The following STAT1 variants were observed in gnomAD, a reference collection of about 807,000 sequenced individuals.
The protein encoded by STAT1 is signal transducer and activator of transcription 1-alpha/beta.
In STAT1, 24 loss-of-function variants were observed where a neutral mutation model predicts 111.7. The observed-to-expected ratio is 0.21, with a 90% CI of 0.16 to 0.30. The LOEUF is 0.30. STAT1 is among the 10% of genes least tolerant of loss of function. The pLI is 1.00. For synonymous variants in STAT1, 332 were observed against 326.5 expected, an observed-to-expected ratio of 1.02 and a Z score of -0.18; for missense variants, 351 against 911.9, an observed-to-expected ratio of 0.38 and a Z score of 7.92.
Position 190,980,731 on chromosome 2 carries a change from C to T in STAT1, c.1583-62G>A, listed in dbSNP as rs369626255. 3.2e-5 allele frequency: 48 copies of T among 1,516,720 alleles called. No homozygotes were observed. The highest frequency in any genetic ancestry group is 8.2e-5 in the African/African-American group (6 of 72,976). 94.0% of individuals were successfully genotyped at this position (1,516,720 alleles called of 1,614,324 possible). On this transcript the variant is annotated intron_variant, in intron 18 of 24. Coordinates refer to ENST00000361099, the MANE Select transcript of STAT1 (RefSeq NM_007315.4). This position sits in a 1 kb window ranked among gnomAD's most constrained non-coding sequence, Gnocchi z 6.1. Reference sequence around the variant, plus strand: ...AACTGATTCTAAAGCTTTGGTTGGACGGATGGCTCTTGTATTTGCTCTCAA... The same window carrying T: ...AACTGATTCTAAAGCTTTGGTTGGATGGATGGCTCTTGTATTTGCTCTCAA...
At chr2:190,985,801 T>G in intron 14 of STAT1, 141 bp from the exon 15 acceptor site, 2 of 930,542 alleles carry the variant, frequency 2.1e-6, no homozygotes, top group Non-Finnish European at 3.4e-6. Flanking sequence ...TGGGACAAAT[T>G]GGCCCTCGTT....
rs1691839415 is a variant in STAT1 at position 190,975,532 on chromosome 2, C to T, written c.2135+280G>A. 4 of 1,298,794 alleles carry T rather than the reference C, an allele frequency of 3.1e-6. No homozygotes were observed. The highest frequency in any genetic ancestry group is 4.1e-6 in the Non-Finnish European group (4 of 983,060). 80.5% of individuals were successfully genotyped at this position (1,298,794 alleles called of 1,614,324 possible). On this transcript the variant is annotated intron_variant, in intron 23 of 24. Transcript: ENST00000361099. This position sits in a 1 kb window ranked among gnomAD's most constrained non-coding sequence, Gnocchi z 5.9. ...TAGATTGAAAAGAACTACTTTCCCA[C>T]TCTGATCAACTTTTGCTCATTTTAT...
At chr2:190,985,941 C>T (rs1244195961) in intron 14 of STAT1, among the ~76,000 whole-genome samples, 3 of 152,178 alleles carry the variant, frequency 2.0e-5, no homozygotes, top group Non-Finnish European at 2.9e-5. Context: ...TCCCCATGCA[C>T]CTTCGTTAAC....
intron 10 of STAT1, among the ~76,000 whole-genome samples, chr2:190,994,051 T>TG (rs1693612615): frequency 6.6e-6 from 1 of 151,996 alleles, no homozygotes; most frequent in African/African-American, 2.4e-5. Context: ...GGAGATAACA[T>TG]CTGTTTGGGA....
At chr2:191,001,201 T>C (rs1005844522) in intron 5 of STAT1, 38 bp from the exon 6 acceptor site, 7 of 1,538,702 alleles carry the variant, frequency 4.5e-6, no homozygotes. Flanking sequence ...CATCGTTTTC[T>C]TCAGGGTGTG....
At position 190,975,056 on chromosome 2, in the gene STAT1, G is replaced by T; in HGVS notation, c.2136-124C>A. The T allele has an allele frequency of 2.4e-6, 2 of 830,754 alleles. No homozygotes were observed. Among genetic ancestry groups the T allele is most frequent in the Non-Finnish European group, 4.1e-6 (2 of 492,518 alleles). 51.5% of individuals were successfully genotyped at this position (830,754 alleles called of 1,614,324 possible). ...CACGTTATATTTTTATTTTGGGTAA[G>T]TGCATACACTTGTAAAATACATTTG... On this transcript the variant is annotated intron_variant, in intron 23 of 24. Transcript: ENST00000361099. This position sits in a 1 kb window ranked among gnomAD's most constrained non-coding sequence, Gnocchi z 5.9.
intron 5 of STAT1, among the ~76,000 whole-genome samples, chr2:191,002,788 T>C (rs1420291783): frequency 6.6e-6 from 1 of 152,192 alleles, no homozygotes; most frequent in Non-Finnish European, 1.5e-5. Flanking sequence ...GAGATATATA[T>C]ATTTTTTTGT....
chr2:190,996,700 T>C lies in STAT1; in HGVS notation c.785+1156A>G, dbSNP rs1162032724. On this transcript the variant is annotated intron_variant, in intron 9 of 24. Transcript: ENST00000361099. The surrounding 1 kb of genome is among the most constrained non-coding windows in gnomAD (Gnocchi z 4.5). ...AGGCAATTCACAGAACAAAAATAAA[T>C]GGCTGAATATTAATTGTGATTTTTT... Among the ~76,000 whole-genome samples, 5 of 152,092 alleles carry C rather than the reference T, an allele frequency of 3.3e-5. No individual in the cohort carries two copies. Among genetic ancestry groups the C allele is most frequent in the African/African-American group, 7.2e-5 (3 of 41,428 alleles).
rs147367887 is a variant in STAT1 at position 190,999,726 on chromosome 2, T to G, written c.463-22A>C. 5 of 1,560,682 alleles carry G rather than the reference T, an allele frequency of 3.2e-6. No homozygotes were observed. In the East Asian group the frequency reaches 1.1e-4, roughly 35 times the overall value. On this transcript the variant is annotated intron_variant, in intron 6 of 24. Coordinates refer to ENST00000361099, the MANE Select transcript of STAT1 (RefSeq NM_007315.4). This position sits in a 1 kb window ranked among gnomAD's most constrained non-coding sequence, Gnocchi z 4.1. ...TACACTACAAACAAAGATGTAAACA[T>G]GTTTTCTACTGATCAGCAACTTCCA...
In STAT1 at chr2:191,004,197, C is replaced by G. The variant is rs374468054; in HGVS notation, c.373-3034G>C. Reference sequence around the variant, plus strand: ...GCAGATGCTTGGCTGCTCCTGTACACTTTAGTACTGATACCACTTTCACAG... The same window carrying G: ...GCAGATGCTTGGCTGCTCCTGTACAGTTTAGTACTGATACCACTTTCACAG... On this transcript the variant is annotated intron_variant, in intron 5 of 24. Coordinates refer to ENST00000361099, the MANE Select transcript of STAT1 (RefSeq NM_007315.4). This position sits in a 1 kb window ranked among gnomAD's most constrained non-coding sequence, Gnocchi z 5.0. Among the ~76,000 whole-genome samples, 4 of 152,336 alleles carry G rather than the reference C, an allele frequency of 2.6e-5. No homozygotes were observed. The East Asian group carries it at 7.7e-4, about 29-fold the overall frequency.
At chr2:191,008,529 A>G (rs1030976705) in intron 4 of STAT1, among the ~76,000 whole-genome samples, 8 of 152,238 alleles carry the variant, frequency 5.3e-5, no homozygotes, top group African/African-American at 1.7e-4. Context: ...TGACTTCCTT[A>G]GGTGAAAGTC....
chr2:191,005,956 T>C (rs945239848), intron 5 of STAT1, among the ~76,000 whole-genome samples: 1 of 152,110 alleles, frequency 6.6e-6, no homozygotes, highest in African/African-American at 2.4e-5. Flanking sequence ...ACATTTTTAA[T>C]GGGGAGGGAG....
chr2:191,009,419 T>C (rs1173772894), intron 3 of STAT1, among the ~76,000 whole-genome samples: 1 of 124,192 alleles, frequency 8.1e-6, no homozygotes, highest in Non-Finnish European at 2.0e-5. Flanking sequence ...CAGGACGTTT[T>C]TAAATTAGCA....
chr2:191,001,053 A>G (rs2125079318), intron 6 of STAT1, 21 bp downstream of exon 6: 1 of 1,572,308 alleles, frequency 6.4e-7, no homozygotes, highest in Non-Finnish European at 8.8e-7. Context: ...GAATAAATGC[A>G]TGTGTTTACT....
rs749221997 is a variant in STAT1, at chr2:190,986,985, A to G, written c.1128-38T>C. ...GGAAAGAAATGCTGAAAAGTCTTCCAACTATTAAATAAATAAAAATATAGC... is the reference window on the plus strand; with the variant it reads ...GGAAAGAAATGCTGAAAAGTCTTCCGACTATTAAATAAATAAAAATATAGC... On this transcript the variant is annotated intron_variant, in intron 13 of 24. Coordinates refer to ENST00000361099, the MANE Select transcript of STAT1 (RefSeq NM_007315.4). The surrounding 1 kb of genome is among the most constrained non-coding windows in gnomAD (Gnocchi z 5.0). 5 of 1,611,622 alleles carry G rather than the reference A, an allele frequency of 3.1e-6. No individual in the cohort carries two copies. Among genetic ancestry groups the G allele is most frequent in the Non-Finnish European group, 4.2e-6 (5 of 1,177,692 alleles).
At position 190,989,185 on chromosome 2, in the gene STAT1, C is replaced by A. The variant is rs1364851982; in HGVS notation, c.1097+430G>T. Among the ~76,000 whole-genome samples, 1 of 152,186 alleles carries A rather than the reference C, an allele frequency of 6.6e-6. No homozygotes were observed. The highest frequency in any genetic ancestry group is 1.5e-5 in the Non-Finnish European group (1 of 68,022). ...GTTCAGCCTCGGGTTGGATCAGGGG[C>A]CTCTCCTTTGGGGCTGACCTAGAAG... On this transcript the variant is annotated intron_variant, in intron 12 of 24. Transcript: ENST00000361099. The surrounding 1 kb of genome is among the most constrained non-coding windows in gnomAD (Gnocchi z 5.0).
chr2:191,011,067 T>C (rs1385949458), intron 2 of STAT1, among the ~76,000 whole-genome samples: 1 of 152,214 alleles, frequency 6.6e-6, no homozygotes, highest in African/African-American at 2.4e-5. Flanking sequence ...AGAGTGTGTA[T>C]GCATACTTGT....
Position 190,975,410 on chromosome 2 carries a change from A to G in STAT1, c.2135+402T>C, listed in dbSNP as rs1691830643. The G allele has an allele frequency of 6.7e-6, 4 of 594,854 alleles. No individual in the cohort carries two copies. Among genetic ancestry groups the G allele is most frequent in the Non-Finnish European group, 1.2e-5 (4 of 337,558 alleles). The allele number at this position is 594,854 out of a possible 1,614,324, so 36.8% of individuals were successfully genotyped here. ...AGTGCTGCAGGCCAAATAACTGACA[A>G]TGACATTTCCAAAATTTTTTCTACC... On this transcript the variant is annotated intron_variant, in intron 23 of 24. Transcript: ENST00000361099. The surrounding 1 kb of genome is among the most constrained non-coding windows in gnomAD (Gnocchi z 5.9).
chr2:190,981,400 C>T lies in STAT1; in HGVS notation c.1583-731G>A, dbSNP rs552591732. 4.3e-4 allele frequency among the ~76,000 whole-genome samples: 65 copies of T among 152,298 alleles called. No individual in the cohort carries two copies. The highest frequency in any genetic ancestry group is 1.0e-3 in the African/African-American group (43 of 41,560). ...CAAATCAAAAACCAAGTGAGAGAAA[C>T]GAGAGGAAGAAGCCCGGGGTTATTA... is the stretch of plus-strand genomic sequence containing the variant. On this transcript the variant is annotated intron_variant, in intron 18 of 24. Transcript: ENST00000361099. This position sits in a 1 kb window ranked among gnomAD's most constrained non-coding sequence, Gnocchi z 4.1.
Sources: gnomAD v4.1 joint callset for allele counts (sites outside exome capture counted in the v4.1 genomes callset) on GRCh38, gnomAD v4.1.1 for gene constraint, Gnocchi (gnomAD v3.1) non-coding constraint, MANE v1.5 for transcripts, NCBI Gene and HGNC (gene_info 2026-07-23, HGNC 2026-07-21) for gene names.